The following SYNC variants were observed in gnomAD, a reference collection of about 807,000 sequenced individuals.
The protein encoded by SYNC is syncoilin, intermediate filament protein, also known as syncoilin.
SYNC carries 38 observed loss-of-function variants against 49.5 expected under a neutral mutation model. The observed-to-expected ratio is 0.77, with a 90% CI of 0.59 to 1.01. The LOEUF (loss-of-function observed/expected upper bound fraction) is 1.01. Ranked by LOEUF, SYNC falls within the 50% of genes least tolerant of loss-of-function variation. The pLI is 0.00. For missense variants in SYNC, 579 were observed against 580.6 expected, an observed-to-expected ratio of 1.00 and a Z score of 0.03; for synonymous variants, 201 against 230.8, an observed-to-expected ratio of 0.87 and a Z score of 1.17.
intron 2 of SYNC, among the ~76,000 whole-genome samples, chr1:32,692,208 A>G (rs943866517): frequency 2.6e-5 from 4 of 152,026 alleles, no homozygotes; most frequent in Non-Finnish European, 5.9e-5. Context: ...AGCCTGGGCA[A>G]GAGTGACAGA....
At chr1:32,694,428 C>T (rs1049282796) in intron 2 of SYNC, among the ~76,000 whole-genome samples, 1 of 152,004 alleles carries the variant, frequency 6.6e-6, no homozygotes, top group South Asian at 2.1e-4. Flanking sequence ...CCAAGGCAGG[C>T]GGATCACGAG....
chr1:32,700,766 G>C (rs1426668862), intron 1 of SYNC, among the ~76,000 whole-genome samples: 1 of 152,194 alleles, frequency 6.6e-6, no homozygotes, highest in African/African-American at 2.4e-5. Flanking sequence ...CCAATGCACA[G>C]AGTAAGAACT....
At chr1:32,683,924 C>T (rs1394510814) in intron 4 of SYNC, 86 bp downstream of exon 4, 20 of 1,379,518 alleles carry the variant, frequency 1.4e-5, no homozygotes, top group African/African-American at 5.7e-5. Context: ...TGAGCCACCC[C>T]GTCCGGCCTG....
At chr1:32,699,214 C>T (rs1650574065) in intron 1 of SYNC, among the ~76,000 whole-genome samples, 2 of 129,888 alleles carry the variant, frequency 1.5e-5, no homozygotes, top group African/African-American at 2.9e-5. Flanking sequence ...AGTGCAGTGG[C>T]GTGGTCTCAG....
intron 1 of SYNC, among the ~76,000 whole-genome samples, chr1:32,701,704 G>A (rs1650676567): frequency 6.6e-6 from 1 of 152,172 alleles, no homozygotes; most frequent in Non-Finnish European, 1.5e-5. Flanking sequence ...AGGAGAGGAA[G>A]CCAGCTTAGT....
At position 32,695,540 on chromosome 1, in the gene SYNC, C is replaced by T; in HGVS notation, c.558G>A (p.Val186=). The T allele has an allele frequency of 6.4e-7, 1 of 1,551,448 alleles. No individual in the cohort carries two copies. Among genetic ancestry groups the T allele is most frequent in the Non-Finnish European group, 8.7e-7 (1 of 1,146,970 alleles). ...EGRFQQCVQA[V]AQLEEERDQL... ...GATCCCTCTCCTCTTCCAGCTGGGC[C>T]ACAGCTTGGACACACTGCTGGAAAC... The change falls in exon 2 of 5, where the codon GTG becomes GTA. Residue 186 remains valine, a synonymous_variant. Transcript: ENST00000409190.
intron 4 of SYNC, chr1:32,683,169 C>T (rs1649560839): frequency 4.0e-5 from 6 of 150,262 alleles, no homozygotes; most frequent in Admixed American, 2.7e-4. Context: ...ATAATCCCAG[C>T]TACTTGGGAG....
upstream of SYNC, chr1:32,702,950 C>T (rs958088594): frequency 6.2e-6 from 1 of 162,314 alleles, no homozygotes; most frequent in Non-Finnish European, 1.3e-5. This position sits in a 1 kb window ranked among gnomAD's most constrained non-coding sequence, Gnocchi z 6.2. Context: ...CTTCCCGAAC[C>T]TTCTCTCCAC....
chr1:32,695,726 G>A lies in SYNC; in HGVS notation c.372C>T (p.Pro124=), dbSNP rs920037969. The change falls in exon 2 of 5, where the codon CCC becomes CCT. Residue 124 remains proline (P), a synonymous_variant. Coordinates refer to ENST00000409190, the MANE Select transcript of SYNC (RefSeq NM_030786.3). ...EPDRIQFVEG[P]VEPGKPTSPE... ...GGCTTGTGGGCTTTCCTGGCTCCAC[G>A]GGCCCCTCCACAAACTGTATCCGAT... 29 of 1,551,222 alleles carry A rather than the reference G, an allele frequency of 1.9e-5. No individual in the cohort carries two copies. The highest frequency in any genetic ancestry group is 2.4e-5 in the East Asian group (1 of 40,890).
At chr1:32,694,769 A>G (rs940819807) in intron 2 of SYNC, 96 bp downstream of exon 2, 37 of 1,262,846 alleles carry the variant, frequency 2.9e-5, no homozygotes, top group Middle Eastern at 2.7e-4. Context: ...TTCTTCCTAC[A>G]TGTGACACTA....
intron 2 of SYNC, among the ~76,000 whole-genome samples, chr1:32,688,732 A>G (rs1748051): frequency 0.86 from 131,137 of 151,940 alleles, 58,098 homozygotes; most frequent in Non-Finnish European, 0.96. Flanking sequence ...ACAGGCATGC[A>G]CCACCACGCC....
upstream of SYNC, among the ~76,000 whole-genome samples, chr1:32,703,298 G>A (rs1650741320): frequency 6.6e-6 from 1 of 152,196 alleles, no homozygotes; most frequent in African/African-American, 2.4e-5. Flanking sequence ...GGGCGGGCTG[G>A]GTGGCTGGGG....
chr1:32,695,922 A>C lies in SYNC; in HGVS notation c.176T>G (p.Leu59Arg), dbSNP rs758466256. Residue 59 changes from leucine (L) to arginine (R), a missense_variant, in exon 2 of 5, where the codon CTC (leucine) becomes CGC (arginine). Physicochemically the swap from Leu to Arg is moderately radical, Grantham distance 102. Transcript: ENST00000409190. Reference protein sequence around the residue: ...SEGSLNLEDILYLEDTGDLDE... With the variant: ...SEGSLNLEDIRYLEDTGDLDE... ...AAGGTCACCTGTGTCCTCCAGGTAG[A>C]GAATGTCTTCGAGGTTTAAGGACCC... The C allele has an allele frequency of 3.3e-5, 51 of 1,551,478 alleles. No homozygotes were observed. The highest frequency in any genetic ancestry group is 3.3e-4 in the Middle Eastern group (2 of 6,014).
intron 1 of SYNC, among the ~76,000 whole-genome samples, chr1:32,700,417 T>C (rs1455818341): frequency 1.3e-5 from 2 of 152,138 alleles, no homozygotes; most frequent in Non-Finnish European, 2.9e-5. Flanking sequence ...ATCTATTGGC[T>C]GGGTGCAGTG....
chr1:32,703,074 C>G (rs1246929951), upstream of SYNC: 1 of 152,110 alleles, frequency 6.6e-6, no homozygotes, highest in Non-Finnish European at 1.5e-5. Context: ...GCGGGCTGCT[C>G]AAAGGGAGCC....
intron 2 of SYNC, among the ~76,000 whole-genome samples, chr1:32,692,143 A>G (rs1650197405): frequency 6.6e-6 from 1 of 151,784 alleles, no homozygotes; most frequent in Non-Finnish European, 1.5e-5. Context: ...GAGGCAGGAC[A>G]ATGGCGCGAA....
At chr1:32,693,086 T>G (rs1407716754) in intron 2 of SYNC, among the ~76,000 whole-genome samples, 1 of 99,792 alleles carries the variant, frequency 1.0e-5, no homozygotes, top group African/African-American at 3.1e-5. Context: ...TGTTTGTTTG[T>G]TTTTGTTTGT....
At chr1:32,702,834 C>A (rs1231932348), upstream of SYNC, 7 of 364,214 alleles carry the variant, frequency 1.9e-5, no homozygotes, top group Non-Finnish European at 2.7e-5. This position sits in a 1 kb window ranked among gnomAD's most constrained non-coding sequence, Gnocchi z 6.2. Flanking sequence ...AGGGAGCGGC[C>A]GCGCGGACCT....
chr1:32,700,341 T>G (rs1650616546), intron 1 of SYNC, among the ~76,000 whole-genome samples: 1 of 152,332 alleles, frequency 6.6e-6, no homozygotes. Flanking sequence ...CACCTTGGAA[T>G]GACTTCACCG....
Sources: gnomAD v4.1 joint callset for allele counts (sites outside exome capture counted in the v4.1 genomes callset) on GRCh38, gnomAD v4.1.1 for gene constraint, Gnocchi (gnomAD v3.1) non-coding constraint, MANE v1.5 for transcripts, NCBI Gene and HGNC (gene_info 2026-07-23, HGNC 2026-07-21) for gene names.